The following GPHN variants were observed in gnomAD, a reference collection of about 807,000 sequenced individuals.
The protein encoded by GPHN is gephyrin.
Under a neutral mutation model 95.5 loss-of-function variants are expected in GPHN, and 17 were observed. The observed-to-expected ratio is 0.18, with a 90% CI of 0.12 to 0.27. GPHN has a LOEUF of 0.27. Among genes scored for constraint, GPHN ranks in the 10% least tolerant of loss-of-function variants. The pLI is 1.00. For synonymous variants in GPHN, 320 were observed against 322.5 expected, an observed-to-expected ratio of 0.99 and a Z score of 0.08; for missense variants, 660 against 978.1, an observed-to-expected ratio of 0.67 and a Z score of 4.34.
the GPHN span, among the ~76,000 whole-genome samples, chr14:67,418,805 C>T: frequency 3.3e-5 from 5 of 152,214 alleles, no homozygotes; most frequent in Non-Finnish European, 7.4e-5. Flanking sequence ...CCTCTCCCTG[C>T]CATGGAGGGG....
In GPHN at chr14:66,780,104, T is replaced by C. The variant is rs1333254306; in HGVS notation, c.201+3583T>C. ...GGGAAATTGGAAAGATTGACTCAGA[T>C]TTCTGGCTTGGGAAATTGAGTAGAT... is the stretch of plus-strand genomic sequence containing the variant. On this transcript the variant is annotated intron_variant, in intron 3 of 22. Transcript: ENST00000478722. Among the ~76,000 whole-genome samples, 6 of 152,200 alleles carry C rather than the reference T, an allele frequency of 3.9e-5. No homozygotes were observed. The East Asian group carries it at 1.2e-3, about 29-fold the overall frequency.
the GPHN span, chr14:67,583,804 G>A: frequency 6.2e-7 from 1 of 1,612,976 alleles, no homozygotes; most frequent in Admixed American, 1.7e-5. Flanking sequence ...CCCTGCCAAG[G>A]CTCAGCATCT....
chr14:67,648,360 C>A, the GPHN span: 1 of 562,960 alleles, frequency 1.8e-6, no homozygotes, highest in Non-Finnish European at 2.9e-6. Context: ...CCTTTAGAGT[C>A]ATGCTTGGAC....
chr14:67,160,672 C>T (rs2081923143), intron 19 of GPHN, among the ~76,000 whole-genome samples: 1 of 152,272 alleles, frequency 6.6e-6, no homozygotes, highest in African/African-American at 2.4e-5. Flanking sequence ...TCAGGGACAA[C>T]AGTAATGATG....
the GPHN span, among the ~76,000 whole-genome samples, chr14:67,500,846 C>T: frequency 3.9e-5 from 6 of 152,034 alleles, no homozygotes; most frequent in African/African-American, 1.2e-4. Flanking sequence ...GCTAGGATTA[C>T]AGGCATGAGC....
intron 8 of GPHN, among the ~76,000 whole-genome samples, chr14:66,926,011 G>A (rs2066465611): frequency 6.6e-6 from 1 of 152,168 alleles, no homozygotes; most frequent in South Asian, 2.1e-4. Context: ...ATAATGATGA[G>A]CACCTTTTCA....
At chr14:67,609,905 CCTGT>C in the GPHN span, among the ~76,000 whole-genome samples, 5,475 of 67,770 alleles carry the variant, frequency 0.081, 265 homozygotes, top group African/African-American at 0.43. Flanking sequence ...GCACAAGGCT[CCTGT>C]CCTGGAAACG....
the GPHN span, among the ~76,000 whole-genome samples, chr14:67,733,277 A>C: frequency 6.6e-6 from 1 of 152,214 alleles, no homozygotes; most frequent in South Asian, 2.1e-4. Flanking sequence ...CTGTCCCCAG[A>C]ATTCAAGAGG....
intron 10 of GPHN, among the ~76,000 whole-genome samples, chr14:67,029,904 A>G (rs2074110105): frequency 6.6e-6 from 1 of 151,960 alleles, no homozygotes; most frequent in Non-Finnish European, 1.5e-5. Flanking sequence ...TCCTTAATGA[A>G]GTAATTATCT....
In GPHN at chr14:66,557,214, T is replaced by C. The variant is rs189383339; in HGVS notation, c.64+48623T>C. On this transcript the variant is annotated intron_variant, in intron 1 of 22. Transcript: ENST00000478722. ...AAAGCATGACCCTGTCTGAAATAGA[T>C]AGATAGATAGATACATAGGTAGGTA... Among the ~76,000 whole-genome samples the C allele has an allele frequency of 4.0e-3, 585 of 145,462 alleles. 6 individuals are homozygous for C. Among genetic ancestry groups the C allele is most frequent in the African/African-American group, 0.014 (563 of 39,028 alleles).
At chr14:67,536,355 T>C in the GPHN span, among the ~76,000 whole-genome samples, 1 of 151,918 alleles carries the variant, frequency 6.6e-6, no homozygotes, top group South Asian at 2.1e-4. Context: ...TCTCCCACAA[T>C]TGACAAGTAG....
At chr14:67,259,903 T>C in the GPHN span, among the ~76,000 whole-genome samples, 1 of 150,972 alleles carries the variant, frequency 6.6e-6, no homozygotes, top group Non-Finnish European at 1.5e-5. Flanking sequence ...AAAAAGAATA[T>C]ATGTATTTCG....
the GPHN span, among the ~76,000 whole-genome samples, chr14:67,276,455 G>A: frequency 6.6e-6 from 1 of 152,098 alleles, no homozygotes; most frequent in Non-Finnish European, 1.5e-5. Flanking sequence ...CTTATGTTTT[G>A]AGTGTTTCCT....
At chr14:67,124,528 T>C (rs773955648) in intron 17 of GPHN, among the ~76,000 whole-genome samples, 12 of 152,176 alleles carry the variant, frequency 7.9e-5, no homozygotes, top group Non-Finnish European at 1.5e-4. Context: ...TTAAAAACTA[T>C]CCTATCCAGA....
At chr14:67,389,855 G>A in the GPHN span, among the ~76,000 whole-genome samples, 1 of 151,616 alleles carries the variant, frequency 6.6e-6, no homozygotes, top group Non-Finnish European at 1.5e-5. Flanking sequence ...CAGAAAGGAA[G>A]GAGTTTGAAC....
intron 16 of GPHN, among the ~76,000 whole-genome samples, chr14:67,121,930 A>G (rs2079031638): frequency 6.6e-6 from 1 of 152,184 alleles, no homozygotes; most frequent in African/African-American, 2.4e-5. Context: ...TAATATTGGG[A>G]GAAAAAAAGA....
At chr14:66,825,612 T>C (rs1330753710) in intron 4 of GPHN, among the ~76,000 whole-genome samples, 1 of 152,206 alleles carries the variant, frequency 6.6e-6, no homozygotes, top group Non-Finnish European at 1.5e-5. Flanking sequence ...TTGTCGTTGT[T>C]GTTGGACCAT....
At chr14:66,848,594 T>C (rs184719113) in intron 4 of GPHN, among the ~76,000 whole-genome samples, 233 of 152,010 alleles carry the variant, frequency 1.5e-3, no homozygotes, top group African/African-American at 5.4e-3. Context: ...ATTTTGCATA[T>C]GATATGTGTT....
At chr14:66,630,264 G>A (rs1367883560) in intron 1 of GPHN, among the ~76,000 whole-genome samples, 1 of 152,138 alleles carries the variant, frequency 6.6e-6, no homozygotes, top group African/African-American at 2.4e-5. Flanking sequence ...AAGTAGAAAA[G>A]TTTATAAGTA....
Sources: allele counts gnomAD v4.1 joint callset (sites outside exome capture counted in the v4.1 genomes callset), GRCh38; gene constraint gnomAD v4.1.1; transcripts MANE v1.5; gene names NCBI Gene and HGNC (gene_info 2026-07-23, HGNC 2026-07-21).